Variants in ZDHHC14 observed in about 807,000 individuals in gnomAD.
ZDHHC14 encodes zDHHC palmitoyltransferase 14, also known as palmitoyltransferase ZDHHC14.
A neutral mutation model predicts 47.7 loss-of-function variants in ZDHHC14; 16 were observed. The observed-to-expected ratio is 0.34, with a 90% confidence interval of 0.23 to 0.51. The LOEUF is 0.51. ZDHHC14 is among the 20% of genes least tolerant of loss of function. ZDHHC14 has a pLI of 0.97. For missense variants in ZDHHC14, 515 were observed against 662.5 expected (o/e 0.78, Z 2.44); for synonymous variants, 293 against 278.9 (o/e 1.05, Z -0.50).
intron 1 of ZDHHC14, among the ~76,000 whole-genome samples, chr6:157,475,561 T>C (rs1361401647): frequency 6.6e-6 from 1 of 152,180 alleles, no homozygotes; most frequent in Non-Finnish European, 1.5e-5. Flanking sequence ...GTTTTCAGCA[T>C]ACAGACCCTT....
intron 2 of ZDHHC14, among the ~76,000 whole-genome samples, chr6:157,549,641 G>A (rs1782141398): frequency 6.6e-6 from 1 of 152,190 alleles, no homozygotes; most frequent in African/African-American, 2.4e-5. Flanking sequence ...AGATTCCGAT[G>A]TCCCTTTAAC....
chr6:157,662,004 G>A (rs557468841), intron 8 of ZDHHC14, among the ~76,000 whole-genome samples: 1 of 151,716 alleles, frequency 6.6e-6, no homozygotes, highest in Non-Finnish European at 1.5e-5. Context: ...TGATAATCTT[G>A]GAAAAGCATA....
At chr6:157,413,261 T>C (rs1777907193) in intron 1 of ZDHHC14, among the ~76,000 whole-genome samples, 3 of 152,208 alleles carry the variant, frequency 2.0e-5, no homozygotes, top group Admixed American at 2.0e-4. Flanking sequence ...AGCTCAAAGC[T>C]GAGTCTTCAC....
rs1381693322 is a variant in ZDHHC14, at chr6:157,677,233, C to T, written c.*4111C>T. On this transcript the variant is annotated 3_prime_UTR_variant, in exon 9 of 9. Coordinates refer to ENST00000359775, the MANE Select transcript of ZDHHC14 (RefSeq NM_024630.3). ...GAGTTGTATGCTATTTTCCAAGGTA[C>T]CTCATTTAAAAAAAAAAAAAAAAAA... The T allele has an allele frequency of 5.0e-5, 7 of 139,796 alleles. No homozygotes were observed. The highest frequency in any genetic ancestry group is 9.2e-5 in the Non-Finnish European group (6 of 65,078). 8.7% of individuals were successfully genotyped at this position (139,796 alleles called of 1,614,324 possible).
intron 1 of ZDHHC14, among the ~76,000 whole-genome samples, chr6:157,532,581 G>C (rs1781403345): frequency 6.6e-6 from 1 of 152,144 alleles, no homozygotes; most frequent in African/African-American, 2.4e-5. Context: ...GCCTTGTCCT[G>C]TACTTTAAAT....
At chr6:157,486,424 A>T (rs1450989075) in intron 1 of ZDHHC14, among the ~76,000 whole-genome samples, 1 of 152,254 alleles carries the variant, frequency 6.6e-6, no homozygotes, top group Non-Finnish European at 1.5e-5. Flanking sequence ...GATAAGACAA[A>T]TGTGAATATT....
rs1554269229 is a variant in ZDHHC14, at chr6:157,579,198, T to TTG, written c.407-13789_407-13788insGT. ...AATGATATTGATTCTGTGTTTTTTT[T>TTG]TTTTTTTTTTTTTTTTTTGGATGGA... On this transcript the variant is annotated intron_variant, in intron 2 of 8. Coordinates refer to ENST00000359775, the MANE Select transcript of ZDHHC14 (RefSeq NM_024630.3). Among the ~76,000 whole-genome samples, 23 of 122,976 alleles carry TTG rather than the reference T, an allele frequency of 1.9e-4. 1 individual carries two copies. In the South Asian group the frequency reaches 4.4e-3, roughly 24 times the overall value. 80.7% of individuals were successfully genotyped at this position (122,976 alleles called of 152,430 possible).
intron 3 of ZDHHC14, among the ~76,000 whole-genome samples, chr6:157,622,778 GT>G (rs1785245933): frequency 6.6e-6 from 1 of 152,122 alleles, no homozygotes; most frequent in African/African-American, 2.4e-5. Flanking sequence ...AGAATCTCAT[GT>G]TTTGCCCGCG....
intron 7 of ZDHHC14, among the ~76,000 whole-genome samples, chr6:157,650,891 G>A (rs1408203920): frequency 6.6e-6 from 1 of 152,182 alleles, no homozygotes; most frequent in Admixed American, 6.5e-5. Context: ...GGGACAGGGG[G>A]TCGGTGCTTT....
chr6:157,614,096 G>C (rs1399574389), intron 3 of ZDHHC14, among the ~76,000 whole-genome samples: 1 of 152,188 alleles, frequency 6.6e-6, no homozygotes, highest in African/African-American at 2.4e-5. Flanking sequence ...CCCACCGCTG[G>C]CTGGTGCACC....
intron 1 of ZDHHC14, among the ~76,000 whole-genome samples, chr6:157,523,727 AC>A: frequency 6.9e-6 from 1 of 145,326 alleles, no homozygotes. Context: ...CCTCGCTTAT[AC>A]AAAAAAAAAA....
At chr6:157,444,673 G>A (rs1239931643) in intron 1 of ZDHHC14, among the ~76,000 whole-genome samples, 2 of 142,112 alleles carry the variant, frequency 1.4e-5, no homozygotes, top group Admixed American at 7.0e-5. Context: ...GAGAGACTCC[G>A]TCAAAAAAAA....
chr6:157,416,294 A>G lies in ZDHHC14; in HGVS notation c.245+34028A>G, dbSNP rs867043528. Among the ~76,000 whole-genome samples, 15 of 152,254 alleles carry G rather than the reference A, an allele frequency of 9.9e-5. No individual in the cohort carries two copies. The South Asian group carries it at 1.2e-3, about 13-fold the overall frequency. ...TCTAGGCAGTGATTTTTCTATATAT[A>G]TTTGCCATTTGAATTTCTGTGAAGT... On this transcript the variant is annotated intron_variant, in intron 1 of 8. Coordinates refer to ENST00000359775, the MANE Select transcript of ZDHHC14 (RefSeq NM_024630.3).
chr6:157,459,046 G>C (rs975470083), intron 1 of ZDHHC14, among the ~76,000 whole-genome samples: 1 of 151,652 alleles, frequency 6.6e-6, no homozygotes, highest in East Asian at 1.9e-4. Flanking sequence ...GTAGAGACAG[G>C]GTTTCTCCAT....
At chr6:157,621,177 T>G (rs1306177886) in intron 3 of ZDHHC14, among the ~76,000 whole-genome samples, 2 of 152,158 alleles carry the variant, frequency 1.3e-5, no homozygotes, top group Admixed American at 6.5e-5. Flanking sequence ...GGTCCTCTAA[T>G]CCTTCAGCTA....
At chr6:157,475,947 G>A (rs191022175) in intron 1 of ZDHHC14, among the ~76,000 whole-genome samples, 2 of 152,152 alleles carry the variant, frequency 1.3e-5, no homozygotes, top group East Asian at 1.9e-4. Context: ...ATGGGATGCA[G>A]CAAAACAAGT....
chr6:157,652,159 T>C (rs1777870142), intron 7 of ZDHHC14, among the ~76,000 whole-genome samples: 2 of 152,070 alleles, frequency 1.3e-5, no homozygotes, highest in African/African-American at 4.8e-5. Context: ...ACCTATGGAG[T>C]GTTCAGCTGG....
At chr6:157,671,581 G>A (rs1305179504) in intron 8 of ZDHHC14, among the ~76,000 whole-genome samples, 2 of 152,188 alleles carry the variant, frequency 1.3e-5, no homozygotes, top group Non-Finnish European at 2.9e-5. Flanking sequence ...TCAAGGAGAG[G>A]GTTTGCGGAG....
chr6:157,409,444 T>C (rs192884705), intron 1 of ZDHHC14, among the ~76,000 whole-genome samples: 1 of 152,268 alleles, frequency 6.6e-6, no homozygotes, highest in African/African-American at 2.4e-5. Context: ...GGCTCAACAG[T>C]GTAGGTAGTG....
Sources: allele counts gnomAD v4.1 joint callset (sites outside exome capture counted in the v4.1 genomes callset), GRCh38; gene constraint gnomAD v4.1.1; transcripts MANE v1.5; gene names NCBI Gene and HGNC (gene_info 2026-07-23, HGNC 2026-07-21).